DOCK5: variants seen among roughly 807,000 people sequenced by gnomAD.
DOCK5 encodes the protein dedicator of cytokinesis protein 5.
Under a neutral mutation model 251.8 loss-of-function variants are expected in DOCK5, and 142 were observed. The ratio of observed to expected loss-of-function variants is 0.56; its 90% CI spans 0.49 to 0.65. The LOEUF is 0.65. DOCK5 is among the 30% of genes least tolerant of loss of function. The probability of loss-of-function intolerance (pLI) is 0.00; values close to 1 mark genes in which losing one functional copy is unlikely to be tolerated. For synonymous variants in DOCK5, 842 were observed against 835.5 expected (o/e 1.01, Z -0.13); for missense variants, 2,111 against 2,312.3 (o/e 0.91, Z 1.79).
At chr8:25,279,827 G>A (rs976353695) in intron 5 of DOCK5, among the ~76,000 whole-genome samples, 29 of 149,906 alleles carry the variant, frequency 1.9e-4, no homozygotes, top group Non-Finnish European at 4.0e-4. Flanking sequence ...GTTTCACCAT[G>A]TTGGCCAGGC....
chr8:25,236,224 G>A (rs75233485), intron 1 of DOCK5, among the ~76,000 whole-genome samples: 3,966 of 152,276 alleles, frequency 0.026, 197 homozygotes, highest in African/African-American at 0.091. Context: ...TTGGTGAGAA[G>A]TAGAGCTGAT....
At chr8:25,269,014 C>G in intron 3 of DOCK5, 129 bp downstream of exon 3, 2 of 776,734 alleles carry the variant, frequency 2.6e-6, no homozygotes, top group Non-Finnish European at 4.0e-6. Context: ...GATGGCTCTT[C>G]TTTGGATTTG....
At chr8:25,249,330 C>G (rs1291789228) in intron 2 of DOCK5, among the ~76,000 whole-genome samples, 1 of 152,036 alleles carries the variant, frequency 6.6e-6, no homozygotes, top group Non-Finnish European at 1.5e-5. Flanking sequence ...TTTTTAATAA[C>G]AGCTTTCTTG....
chr8:25,215,382 G>C (rs552776387), intron 1 of DOCK5, among the ~76,000 whole-genome samples: 1 of 152,114 alleles, frequency 6.6e-6, no homozygotes. Context: ...GATCTGTAGA[G>C]GCTGGGGAGA....
intron 1 of DOCK5, among the ~76,000 whole-genome samples, chr8:25,229,723 A>G (rs915616439): frequency 6.6e-6 from 1 of 152,188 alleles, no homozygotes; most frequent in Non-Finnish European, 1.5e-5. Context: ...CCTCTGATAT[A>G]TTCATATTTA....
chr8:25,217,799 A>G (rs1469273852), intron 1 of DOCK5, among the ~76,000 whole-genome samples: 2 of 152,224 alleles, frequency 1.3e-5, no homozygotes, highest in Non-Finnish European at 2.9e-5. Context: ...TAATTCTTTA[A>G]AAATTCTCTT....
At chr8:25,361,761 C>T (rs1011400835) in intron 28 of DOCK5, among the ~76,000 whole-genome samples, 3 of 152,086 alleles carry the variant, frequency 2.0e-5, no homozygotes, top group African/African-American at 7.2e-5. Flanking sequence ...ACACACTGGC[C>T]GGCCAGGGAG....
intron 3 of DOCK5, among the ~76,000 whole-genome samples, chr8:25,270,023 T>G (rs1319736308): frequency 3.9e-5 from 6 of 152,226 alleles, no homozygotes; most frequent in Admixed American, 1.3e-4. Flanking sequence ...GCATTGTTGA[T>G]GCTTAAGTCA....
In DOCK5 at chr8:25,334,144, C is replaced by A; in HGVS notation, c.2140C>A (p.Pro714Thr). ...AGACATCAAGTTCCAGCATTTTAAT[C>A]CTGTACTTGAAACCTACATTTACAA... Reference protein sequence around the residue: ...IGDIKFQHFNPVLETYIYKHF... With the variant: ...IGDIKFQHFNTVLETYIYKHF... The change falls in exon 21 of 52, where the codon CCT (proline) becomes ACT (threonine). Residue 714 changes from proline to threonine, a missense_variant. Physicochemically the swap from Pro to Thr is conservative, Grantham distance 38. Transcript: ENST00000276440. 6.2e-7 allele frequency: 1 copy of A among 1,613,944 alleles called. No individual in the cohort carries two copies. The highest frequency in any genetic ancestry group is 1.1e-5 in the South Asian group (1 of 91,084).
chr8:25,379,849 TACAC>T (rs10569921), intron 38 of DOCK5, among the ~76,000 whole-genome samples: 11,504 of 146,752 alleles, frequency 0.078, 481 homozygotes, highest in East Asian at 0.19. Context: ...TCACTACACC[TACAC>T]ACACACACAC....
intron 1 of DOCK5, among the ~76,000 whole-genome samples, chr8:25,208,684 A>G (rs73214375): frequency 6.6e-6 from 1 of 152,368 alleles, no homozygotes; most frequent in Non-Finnish European, 1.5e-5. Context: ...TAACTTTTAT[A>G]GGCACAGGGG....
At chr8:25,199,862 G>T (rs1464939315) in intron 1 of DOCK5, among the ~76,000 whole-genome samples, 2 of 152,176 alleles carry the variant, frequency 1.3e-5, no homozygotes, top group African/African-American at 4.8e-5. Context: ...GCTGAGCTTT[G>T]AACTTCCTTC....
At chr8:25,358,091 A>G (rs1800610516) in intron 27 of DOCK5, among the ~76,000 whole-genome samples, 1 of 152,162 alleles carries the variant, frequency 6.6e-6, no homozygotes, top group African/African-American at 2.4e-5. Context: ...GAGAAGCGGT[A>G]TCAGGTTGTA....
chr8:25,401,020 G>C lies in DOCK5; in HGVS notation c.4880G>C (p.Arg1627Pro). The C allele has an allele frequency of 6.2e-7, 1 of 1,614,010 alleles. No homozygotes were observed. The highest frequency in any genetic ancestry group is 8.5e-7 in the Non-Finnish European group (1 of 1,179,882). Residue 1627 changes from arginine (R) to proline (P), a missense_variant, in exon 47 of 52, where the codon CGG becomes CCG. Arg to Pro is a moderately radical substitution (Grantham distance 103). Transcript: ENST00000276440. ...PLHERLSSCFRELKEKVEKHY... is the reference protein window; with the variant it reads ...PLHERLSSCFPELKEKVEKHY... ...CATGAGCGGTTGTCTTCTTGCTTCC[G>C]GGAACTCAAGGAGAAAGTAGAAAAG...
intron 5 of DOCK5, among the ~76,000 whole-genome samples, chr8:25,279,109 A>G (rs1003231847): frequency 2.0e-5 from 3 of 152,190 alleles, no homozygotes; most frequent in African/African-American, 7.2e-5. Context: ...GCTCAGCTGC[A>G]TGAGGATGAC....
intron 5 of DOCK5, among the ~76,000 whole-genome samples, chr8:25,283,803 G>A (rs1033431131): frequency 1.3e-5 from 2 of 152,160 alleles, no homozygotes; most frequent in African/African-American, 2.4e-5. Context: ...AGTCCAGGAG[G>A]CCCGGGTCAT....
chr8:25,369,377 T>C (rs951297289), intron 33 of DOCK5, among the ~76,000 whole-genome samples, 179 bp from the exon 34 acceptor site: 22 of 152,238 alleles, frequency 1.4e-4, no homozygotes, highest in African/African-American at 5.1e-4. Flanking sequence ...CATGAGACTT[T>C]GTTAGAAGAT....
intron 47 of DOCK5, among the ~76,000 whole-genome samples, chr8:25,401,817 T>A (rs557297530): frequency 6.6e-6 from 1 of 152,304 alleles, no homozygotes; most frequent in African/African-American, 2.4e-5. Context: ...CTGGCCAAAT[T>A]CTTACATTTT....
chr8:25,372,983 C>T (rs972803311), intron 35 of DOCK5, among the ~76,000 whole-genome samples: 30 of 148,700 alleles, frequency 2.0e-4, no homozygotes, highest in African/African-American at 7.4e-4. Flanking sequence ...TTTCTGGTTA[C>T]ATGGATAAGT....
Sources: gnomAD v4.1 joint callset for allele counts (sites outside exome capture counted in the v4.1 genomes callset) on GRCh38, gnomAD v4.1.1 for gene constraint, MANE v1.5 for transcripts, NCBI Gene and HGNC (gene_info 2026-07-23, HGNC 2026-07-21) for gene names.